The following SLC1A2 variants were observed in gnomAD, a reference collection of about 807,000 sequenced individuals.
SLC1A2 encodes solute carrier family 1 member 2, also known as excitatory amino acid transporter 2.
In SLC1A2, 15 loss-of-function variants were observed where a neutral mutation model predicts 48.8. The observed-to-expected ratio is 0.31, with a 90% CI of 0.21 to 0.47. The LOEUF is 0.47. Ranked by LOEUF, SLC1A2 falls within the 20% of genes least tolerant of loss-of-function variation. The pLI is 0.99. For synonymous variants in SLC1A2, 279 were observed against 272.6 expected (o/e 1.02, Z -0.23); for missense variants, 502 against 730.5 (o/e 0.69, Z 3.61).
At chr11:35,265,851 A>G in intron 9 of SLC1A2, 93 bp from the exon 10 acceptor site, 1 of 736,468 alleles carries the variant, frequency 1.4e-6, no homozygotes, top group East Asian at 2.5e-5. Flanking sequence ...CATAGGGTTG[A>G]GTACTGGCTC....
chr11:35,382,242 A>T (rs1227747852), intron 1 of SLC1A2, among the ~76,000 whole-genome samples: 2 of 152,206 alleles, frequency 1.3e-5, no homozygotes, highest in Admixed American at 1.3e-4. Flanking sequence ...CATTTGTTTC[A>T]TACTGTGCTT....
intron 1 of SLC1A2, among the ~76,000 whole-genome samples, chr11:35,415,019 C>T (rs753883922): frequency 6.6e-6 from 1 of 152,216 alleles, no homozygotes; most frequent in Non-Finnish European, 1.5e-5. Flanking sequence ...ATTGAAATCA[C>T]TCTGTGTTGA....
chr11:35,336,492 G>A (rs116776412), intron 1 of SLC1A2, among the ~76,000 whole-genome samples: 3,881 of 152,164 alleles, frequency 0.026, 154 homozygotes, highest in African/African-American at 0.088. Flanking sequence ...CAACATTTAT[G>A]GAACATACTA....
chr11:35,288,564 G>A (rs775125221), intron 7 of SLC1A2, among the ~76,000 whole-genome samples: 5 of 152,138 alleles, frequency 3.3e-5, no homozygotes, highest in Admixed American at 2.6e-4. Flanking sequence ...CAGGATTCTC[G>A]ATTGCAAGCA....
At chr11:35,379,776 G>A (rs893499826) in intron 1 of SLC1A2, among the ~76,000 whole-genome samples, 7 of 152,182 alleles carry the variant, frequency 4.6e-5, no homozygotes, top group Middle Eastern at 3.4e-3. Flanking sequence ...GCCATAAACC[G>A]GCCAATTGAA....
chr11:35,317,450 G>T lies in SLC1A2; in HGVS notation c.84C>A (p.Pro28=), dbSNP rs755035215. 1 of 1,614,030 alleles carries T rather than the reference G, an allele frequency of 6.2e-7. No individual in the cohort carries two copies. Among genetic ancestry groups the T allele is most frequent in the Non-Finnish European group, 8.5e-7 (1 of 1,180,014 alleles). The change falls in exon 2 of 11, where the codon CCC becomes CCA. Residue 28 remains proline, a synonymous_variant. Transcript: ENST00000278379. ...GGCGCAGGCCCAGGTGCCGGTGCTT[G>T]GGTTCCTCTGAGCCAAGATGACTGT... is the stretch of plus-strand genomic sequence containing the variant. ...MHDSHLGSEE[P]KHRHLGLRLC...
chr11:35,312,214 T>C lies in SLC1A2; in HGVS notation c.545A>G (p.Gln182Arg). ...CTGGGTTACCTGTTGAAAGCAGGCT[T>C]GGACAAGGTTTTCAGGGAAGAGATT... ...IRNLFPENLVQACFQQIQTVT... is the reference protein window; with the variant it reads ...IRNLFPENLVRACFQQIQTVT... The change falls in exon 4 of 11, where the codon CAA becomes CGA. Residue 182 changes from glutamine to arginine, a missense_variant. Gln to Arg is a conservative substitution (Grantham distance 43, BLOSUM62 1). This residue lies in a region of SLC1A2 where 309 missense variants were observed against 480.3 expected (regional missense o/e 0.64). Transcript: ENST00000278379. 1 of 1,614,108 alleles carries C rather than the reference T, an allele frequency of 6.2e-7. No homozygotes were observed. Among genetic ancestry groups the C allele is most frequent in the Non-Finnish European group, 8.5e-7 (1 of 1,179,986 alleles).
intron 9 of SLC1A2, among the ~76,000 whole-genome samples, chr11:35,274,686 C>G (rs1850384897): frequency 1.3e-5 from 2 of 152,150 alleles, no homozygotes; most frequent in Non-Finnish European, 1.5e-5. Context: ...CCAATTCAGC[C>G]AGTTAATATC....
chr11:35,362,038 T>C (rs1680005512), intron 1 of SLC1A2, among the ~76,000 whole-genome samples: 1 of 152,190 alleles, frequency 6.6e-6, no homozygotes, highest in South Asian at 2.1e-4. Flanking sequence ...CAGGCTGCTA[T>C]ATAGAATTAT....
At chr11:35,282,753 G>A (rs1850681554) in intron 8 of SLC1A2, among the ~76,000 whole-genome samples, 1 of 152,156 alleles carries the variant, frequency 6.6e-6, no homozygotes, top group South Asian at 2.1e-4. Context: ...TTTGCACTGT[G>A]GTTAACATTA....
At chr11:35,303,412 G>T (rs1285697155) in intron 5 of SLC1A2, among the ~76,000 whole-genome samples, 1 of 152,126 alleles carries the variant, frequency 6.6e-6, no homozygotes, top group Admixed American at 6.6e-5. Flanking sequence ...TAAGTTATTG[G>T]TCTGGAAAGA....
rs111405258 is a variant in SLC1A2 at position 35,379,331 on chromosome 11, T to C, written c.17+39619A>G. Among the ~76,000 whole-genome samples, 187 of 152,384 alleles carry C rather than the reference T, an allele frequency of 1.2e-3. 1 individual carries two copies. The highest frequency in any genetic ancestry group is 4.3e-3 in the African/African-American group (179 of 41,596). On this transcript the variant is annotated intron_variant, in intron 1 of 10. Coordinates refer to ENST00000278379, the MANE Select transcript of SLC1A2 (RefSeq NM_004171.4). Reference sequence around the variant, plus strand: ...TTGCTGCTGCTACTGTTATTACTAATAAAATTTTTAGACTGCCCTGATTCA... The same window carrying C: ...TTGCTGCTGCTACTGTTATTACTAACAAAATTTTTAGACTGCCCTGATTCA...
chr11:35,375,562 G>A (rs184825996), intron 1 of SLC1A2, among the ~76,000 whole-genome samples: 11 of 152,328 alleles, frequency 7.2e-5, no homozygotes, highest in South Asian at 4.1e-4. Context: ...TGGAACCCCC[G>A]TGTGGTAGTA....
At position 35,396,165 on chromosome 11, in the gene SLC1A2, G is replaced by A. The variant is rs1399243039; in HGVS notation, c.17+22785C>T. On this transcript the variant is annotated intron_variant, in intron 1 of 10. Coordinates refer to ENST00000278379, the MANE Select transcript of SLC1A2 (RefSeq NM_004171.4). ...TGTGCATGTGTCTTTATAGCAGCAT[G>A]ATTTATAGTCATTTGGGTATATACC... 1.7e-3 allele frequency among the ~76,000 whole-genome samples: 198 copies of A among 119,114 alleles called. 2 individuals are homozygous for A. The highest frequency in any genetic ancestry group is 7.3e-3 in the African/African-American group (187 of 25,742). The allele number at this position is 119,114 out of a possible 152,430, so 78.1% of individuals were successfully genotyped here.
At chr11:35,279,683 C>T (rs1345937506) in intron 9 of SLC1A2, among the ~76,000 whole-genome samples, 1 of 152,222 alleles carries the variant, frequency 6.6e-6, no homozygotes, top group African/African-American at 2.4e-5. Flanking sequence ...GCTCCAGAGG[C>T]AGCCTGACCT....
intron 9 of SLC1A2, among the ~76,000 whole-genome samples, chr11:35,278,125 G>A (rs761486986): frequency 2.6e-4 from 39 of 152,130 alleles, no homozygotes; most frequent in South Asian, 2.1e-4. Context: ...AGGCTATTTT[G>A]TTTGCTTGTC....
intron 4 of SLC1A2, among the ~76,000 whole-genome samples, chr11:35,308,057 C>G (rs139202810): frequency 2.0e-4 from 31 of 152,262 alleles, no homozygotes; most frequent in Non-Finnish European, 1.5e-5. Flanking sequence ...AAAAGGGAAC[C>G]AAAGCCAACT....
chr11:35,283,510 C>T (rs540591213), intron 8 of SLC1A2, among the ~76,000 whole-genome samples: 4 of 152,210 alleles, frequency 2.6e-5, no homozygotes, highest in African/African-American at 9.6e-5. Context: ...AGTGAAAATG[C>T]TCAGTAGTAT....
intron 1 of SLC1A2, among the ~76,000 whole-genome samples, chr11:35,367,678 T>C (rs1032286568): frequency 1.3e-5 from 2 of 152,334 alleles, no homozygotes; most frequent in South Asian, 4.1e-4. Flanking sequence ...CGTGCTACCA[T>C]CAGCTGAAAA....
Sources: gnomAD v4.1 joint callset for allele counts (sites outside exome capture counted in the v4.1 genomes callset) on GRCh38, gnomAD v4.1.1 for gene constraint, gnomAD v4.1.1 regional missense constraint, MANE v1.5 for transcripts, NCBI Gene and HGNC (gene_info 2026-07-23, HGNC 2026-07-21) for gene names.